The following ARHGEF40 variants were observed in gnomAD, a reference collection of about 807,000 sequenced individuals.
ARHGEF40 encodes the protein Rho guanine nucleotide exchange factor 40, also known as Rho guanine nucleotide exchange factor (GEF) 40.
ARHGEF40 carries 98 observed loss-of-function variants against 165.9 expected under a neutral mutation model. The observed-to-expected ratio is 0.59, with a 90% confidence interval of 0.50 to 0.70. The LOEUF (loss-of-function observed/expected upper bound fraction) is 0.70. Ranked by LOEUF, ARHGEF40 falls within the 30% of genes least tolerant of loss-of-function variation. The pLI is 0.00. For synonymous variants in ARHGEF40, 792 were observed against 814.3 expected, an observed-to-expected ratio of 0.97 and a Z score of 0.47; for missense variants, 1,815 against 1,968.0, an observed-to-expected ratio of 0.92 and a Z score of 1.47.
upstream of ARHGEF40, among the ~76,000 whole-genome samples, chr14:21,066,006 C>A (rs1594528308): frequency 6.6e-6 from 1 of 152,158 alleles, no homozygotes; most frequent in Middle Eastern, 3.4e-3. Flanking sequence ...AGCTGAGGCA[C>A]CAGAATCACT....
rs949886572 is a variant in ARHGEF40 at position 21,074,715 on chromosome 14, G to C, written c.985G>C (p.Ala329Pro). The C allele has an allele frequency of 6.3e-7, 1 of 1,599,160 alleles. No homozygotes were observed. The highest frequency in any genetic ancestry group is 1.3e-5 in the African/African-American group (1 of 74,624). The change falls in exon 3 of 24, where the codon GCA becomes CCA. Residue 329 changes from alanine to proline, a missense_variant. Transcript: ENST00000298694. The surrounding 1 kb of genome is among the most constrained non-coding windows in gnomAD (Gnocchi z 4.8). ...AGGAGCTGAGGCTGTCCCAGAGGCA[G>C]CAGTCTTGGAGGTGTCTGAGCCCCC... ...PPGAEAVPEA[A>P]VLEVSEPPAE...
chr14:21,067,202 A>T (rs1566513454), upstream of ARHGEF40, among the ~76,000 whole-genome samples: 1 of 152,174 alleles, frequency 6.6e-6, no homozygotes, highest in Non-Finnish European at 1.5e-5. Context: ...GGATAGCACT[A>T]GTTTTCCATA....
In ARHGEF40 at chr14:21,075,149, G is replaced by A; in HGVS notation, c.1419G>A (p.Glu473=). The part of the protein sequence containing the change: ...GPTEEGAGER[E]LEGPGLLCMA... Reference sequence around the variant, plus strand: ...CAGAAGAGGGGGCCGGAGAGAGAGAGCTGGAGGGGCCAGGCCTGCTGTGTA... The same window carrying A: ...CAGAAGAGGGGGCCGGAGAGAGAGAACTGGAGGGGCCAGGCCTGCTGTGTA... The change falls in exon 3 of 24, where the codon GAG becomes GAA. Residue 473 remains glutamate, a synonymous_variant. Transcript: ENST00000298694. This position sits in a 1 kb window ranked among gnomAD's most constrained non-coding sequence, Gnocchi z 4.5. The A allele has an allele frequency of 6.2e-7, 1 of 1,609,650 alleles. No homozygotes were observed. Among genetic ancestry groups the A allele is most frequent in the Non-Finnish European group, 8.5e-7 (1 of 1,178,496 alleles).
chr14:21,082,022 T>G lies in ARHGEF40; in HGVS notation c.3154T>G (p.Cys1052Gly). The change falls in exon 14 of 24, where the codon TGC becomes GGC. Residue 1052 changes from cysteine (C) to glycine (G), a missense_variant. Cys to Gly is a radical substitution (Grantham distance 159). Coordinates refer to ENST00000298694, the MANE Select transcript of ARHGEF40 (RefSeq NM_018071.5). ...VTSTEVVDRT[C>G]SPREHVLLGR... ...CAGCACTGAGGTGGTAGACAGGACG[T>G]GCTCACCACGGGAACACGTGCTGCT... 1 of 1,569,826 alleles carries G rather than the reference T, an allele frequency of 6.4e-7. No individual in the cohort carries two copies. The highest frequency in any genetic ancestry group is 8.6e-7 in the Non-Finnish European group (1 of 1,157,194).
chr14:21,087,374 C>T lies in ARHGEF40; in HGVS notation c.4298C>T (p.Ser1433Phe). The stretch of plus-strand genomic sequence containing the variant: ...TCATCCTTTGAGCATGCCGGCCCCT[C>T]CCTTCCCGGCCTTTCGCCGGGAGCC... ...AVSSFEHAGP[S>F]LPGLSPGACS... The change falls in exon 21 of 24, where the codon TCC becomes TTC. Residue 1433 changes from serine to phenylalanine, a missense_variant. By Grantham distance (155) the Ser-to-Phe change is radical. Coordinates refer to ENST00000298694, the MANE Select transcript of ARHGEF40 (RefSeq NM_018071.5). 6.2e-7 allele frequency: 1 copy of T among 1,604,706 alleles called. No individual in the cohort carries two copies. The highest frequency in any genetic ancestry group is 2.2e-5 in the East Asian group (1 of 44,872).
At chr14:21,066,710 C>A (rs369824806), upstream of ARHGEF40, among the ~76,000 whole-genome samples, 5 of 152,278 alleles carry the variant, frequency 3.3e-5, no homozygotes, top group Admixed American at 1.3e-4. Flanking sequence ...GTGGAACAGG[C>A]AGACAAGTGG....
upstream of ARHGEF40, among the ~76,000 whole-genome samples, chr14:21,065,448 A>G (rs1886212530): frequency 6.6e-6 from 1 of 152,190 alleles, no homozygotes; most frequent in Non-Finnish European, 1.5e-5. Flanking sequence ...TAGCTGAAAA[A>G]GCAGTGACAA....
upstream of ARHGEF40, among the ~76,000 whole-genome samples, chr14:21,069,551 C>G (rs1392114848): frequency 6.6e-6 from 1 of 152,236 alleles, no homozygotes; most frequent in East Asian, 1.9e-4. Context: ...ATAAGCATCC[C>G]GATCCGGGAA....
At chr14:21,080,421 G>A (rs976546060) in intron 11 of ARHGEF40, among the ~76,000 whole-genome samples, 1 of 152,012 alleles carries the variant, frequency 6.6e-6, no homozygotes, top group Admixed American at 6.5e-5. Context: ...CACTCCCTCA[G>A]TGCTTCCCAT....
chr14:21,076,184 T>C (rs61978199), intron 5 of ARHGEF40, among the ~76,000 whole-genome samples, 176 bp from the exon 6 acceptor site: 5,571 of 152,306 alleles, frequency 0.037, 126 homozygotes, highest in South Asian at 0.085. Flanking sequence ...GGTGACTTCC[T>C]CTTGTACACA....
intron 1 of ARHGEF40, among the ~76,000 whole-genome samples, chr14:21,071,674 C>A (rs1393453015): frequency 6.6e-6 from 1 of 152,148 alleles, no homozygotes; most frequent in Non-Finnish European, 1.5e-5. Context: ...AGCTCACCGC[C>A]CCTAATGGGT....
chr14:21,079,465 T>C (rs1887700568), intron 11 of ARHGEF40, among the ~76,000 whole-genome samples: 3 of 152,142 alleles, frequency 2.0e-5, no homozygotes. Flanking sequence ...GGAGAGAGCA[T>C]TGAAAGCACC....
rs1439285045 is a variant in ARHGEF40 at position 21,082,370 on chromosome 14, C to T, written c.3378C>T (p.Ala1126=). 1 of 1,611,454 alleles carries T rather than the reference C, an allele frequency of 6.2e-7. No individual in the cohort carries two copies. Among genetic ancestry groups the T allele is most frequent in the Non-Finnish European group, 8.5e-7 (1 of 1,179,620 alleles). Residue 1126 remains alanine (A), a synonymous_variant, in exon 15 of 24, where the codon GCC becomes GCT. Coordinates refer to ENST00000298694, the MANE Select transcript of ARHGEF40 (RefSeq NM_018071.5). The part of the protein sequence containing the change: ...TPELRGTWAA[A]LSARERLRSF... The stretch of plus-strand genomic sequence containing the variant: ...AACTTCGGGGCACCTGGGCTGCTGC[C>T]CTGAGTGCCCGGGAAAGGCTTCGCA...
In ARHGEF40 at chr14:21,082,292, C is replaced by T. The variant is rs758112684; in HGVS notation, c.3300C>T (p.Tyr1100=). The T allele has an allele frequency of 3.4e-5, 55 of 1,612,910 alleles. No individual in the cohort carries two copies. The highest frequency in any genetic ancestry group is 3.3e-4 in the Middle Eastern group (2 of 6,080). The change falls in exon 15 of 24, where the codon TAC becomes TAT. Residue 1100 remains tyrosine, a synonymous_variant. Transcript: ENST00000298694. The stretch of plus-strand genomic sequence containing the variant: ...AGCTGATTGCCTGTGAACAAGATTA[C>T]GTGGCCACCTTGAGTGAGCCAGTGC... ...VSELIACEQD[Y]VATLSEPVPP... is the part of the protein sequence containing the mutation.
chr14:21,063,182 T>C, the ARHGEF40 span, among the ~76,000 whole-genome samples: 1 of 151,852 alleles, frequency 6.6e-6, no homozygotes, highest in Non-Finnish European at 1.5e-5. Flanking sequence ...ACCAGTTTCT[T>C]CAGTAAATTA....
chr14:21,080,939 G>A lies in ARHGEF40; in HGVS notation c.2563G>A (p.Asp855Asn), dbSNP rs767890783. The A allele has an allele frequency of 2.5e-6, 4 of 1,614,210 alleles. No homozygotes were observed. The highest frequency in any genetic ancestry group is 3.4e-6 in the Non-Finnish European group (4 of 1,180,048). Residue 855 changes from aspartate to asparagine, a missense_variant, in exon 13 of 24, where the codon GAT (aspartate) becomes AAT (asparagine). Physicochemically the swap from Asp to Asn is conservative, Grantham distance 23 (BLOSUM62 1). Transcript: ENST00000298694. ...EENATSQKVL[D>N]IFEQRLEQVE... ...GAATGCCACCTCCCAGAAGGTGCTG[G>A]ATATCTTTGAACAGCGGCTGGAGCA... is the stretch of plus-strand genomic sequence containing the variant.
intron 13 of ARHGEF40, 68 bp downstream of exon 13, chr14:21,081,084 A>G (rs1040834634): frequency 2.6e-6 from 4 of 1,541,262 alleles, no homozygotes; most frequent in Admixed American, 2.0e-5. Context: ...CTGCCTGGAG[A>G]GGCTAATCAA....
In ARHGEF40 at chr14:21,073,357, C is replaced by T. The variant is rs1380132170; in HGVS notation, c.201+115C>T. 5.1e-6 allele frequency: 6 copies of T among 1,182,242 alleles called. No homozygotes were observed. Among genetic ancestry groups the T allele is most frequent in the South Asian group, 1.5e-5 (1 of 67,730 alleles). The allele number at this position is 1,182,242 out of a possible 1,614,324, so 73.2% of individuals were successfully genotyped here. The stretch of plus-strand genomic sequence containing the variant: ...CTAGAGATACAGCCTCCCTTGAAAC[C>T]GATCTCTCCAGAATCACTTAAGCTT... On this transcript the variant is annotated intron_variant, in intron 2 of 23. Coordinates refer to ENST00000298694, the MANE Select transcript of ARHGEF40 (RefSeq NM_018071.5). This position sits in a 1 kb window ranked among gnomAD's most constrained non-coding sequence, Gnocchi z 4.6.
chr14:21,087,483 G>A lies in ARHGEF40; in HGVS notation c.4387+20G>A, dbSNP rs1261167843. The A allele has an allele frequency of 6.3e-7, 1 of 1,599,520 alleles. No homozygotes were observed. The highest frequency in any genetic ancestry group is 1.1e-5 in the South Asian group (1 of 91,050). On this transcript the variant is annotated intron_variant, in intron 21 of 23. Transcript: ENST00000298694. The stretch of plus-strand genomic sequence containing the variant: ...CCCTGGGTGAGGCACCTCTCAAGGG[G>A]TGGCTCCCAACAGCTCGGTCATGGT...
Sources: allele counts gnomAD v4.1 joint callset (sites outside exome capture counted in the v4.1 genomes callset), GRCh38; gene constraint gnomAD v4.1.1; non-coding constraint Gnocchi (gnomAD v3.1); transcripts MANE v1.5; gene names NCBI Gene and HGNC (gene_info 2026-07-23, HGNC 2026-07-21).